The following IQGAP1 variants were observed in gnomAD, a reference collection of about 807,000 sequenced individuals.
IQGAP1 encodes IQ motif containing GTPase activating protein 1, also known as ras GTPase-activating-like protein IQGAP1.
IQGAP1 carries 66 observed loss-of-function variants against 215.6 expected under a neutral mutation model. That is an observed-to-expected ratio of 0.31 (90% CI 0.25 to 0.38). The LOEUF (loss-of-function observed/expected upper bound fraction) is 0.38, where lower values mean the gene tolerates loss of function less well. IQGAP1 is among the 10% of genes least tolerant of loss of function. IQGAP1 has a pLI of 1.00. For synonymous variants in IQGAP1, 772 were observed against 728.7 expected (o/e 1.06, Z -0.96); for missense variants, 1,712 against 1,997.1 (o/e 0.86, Z 2.72).
Position 90,453,217 on chromosome 15 carries a change from A to C in IQGAP1, c.1412A>C (p.Asp471Ala), listed in dbSNP as rs1965630787. 2 of 1,614,010 alleles carry C rather than the reference A, an allele frequency of 1.2e-6. No individual in the cohort carries two copies. The highest frequency in any genetic ancestry group is 3.3e-5 in the Admixed American group (2 of 60,004). ...ATCAACAGGGCATTGGAATCAGGAG[A>C]TGTGAATACAGTGTGGAAGCAATTG... ...ALINRALESG[D>A]VNTVWKQLSS... Residue 471 changes from aspartate (D) to alanine (A), a missense_variant, in exon 13 of 38, where the codon GAT becomes GCT. Transcript: ENST00000268182.
chr15:90,471,585 C>T (rs919827033), intron 18 of IQGAP1, among the ~76,000 whole-genome samples: 78 of 151,852 alleles, frequency 5.1e-4, no homozygotes, highest in African/African-American at 1.6e-3. Flanking sequence ...CCACAGCTTC[C>T]GCCTCCCAGG....
chr15:90,459,530 G>T (rs1256643368), intron 15 of IQGAP1, among the ~76,000 whole-genome samples: 1 of 152,178 alleles, frequency 6.6e-6, no homozygotes, highest in Non-Finnish European at 1.5e-5. Flanking sequence ...TTGAGGATGT[G>T]ACTATAGAGT....
chr15:90,414,719 A>G (rs1433917762), intron 2 of IQGAP1, among the ~76,000 whole-genome samples: 1 of 151,984 alleles, frequency 6.6e-6, no homozygotes, highest in Non-Finnish European at 1.5e-5. Context: ...CTGTGGGCTT[A>G]TCTACTCTTG....
chr15:90,495,154 A>G (rs1966254374), intron 36 of IQGAP1, among the ~76,000 whole-genome samples: 1 of 152,238 alleles, frequency 6.6e-6, no homozygotes, highest in South Asian at 2.1e-4. Flanking sequence ...AAGAGTAACA[A>G]TAAGAGGAGT....
chr15:90,415,528 A>T (rs1965032586), intron 2 of IQGAP1, among the ~76,000 whole-genome samples: 2 of 151,830 alleles, frequency 1.3e-5, no homozygotes, highest in South Asian at 2.1e-4. Context: ...TTTCTTTTTT[A>T]AAAAATTCTC....
intron 2 of IQGAP1, among the ~76,000 whole-genome samples, chr15:90,394,529 T>C (rs946154703): frequency 2.6e-4 from 39 of 152,296 alleles, no homozygotes; most frequent in Admixed American, 2.1e-3. Context: ...TCTTCGTTAT[T>C]AGTGAGCTAT....
chr15:90,484,173 C>T (rs1401410930), intron 29 of IQGAP1, 47 bp from the exon 30 acceptor site: 1 of 1,588,282 alleles, frequency 6.3e-7, no homozygotes, highest in Non-Finnish European at 8.6e-7. Context: ...TTGCCAACTT[C>T]ATGTGTATGT....
chr15:90,457,543 C>G (rs1965702129), intron 15 of IQGAP1, among the ~76,000 whole-genome samples: 1 of 151,516 alleles, frequency 6.6e-6, no homozygotes, highest in Non-Finnish European at 1.5e-5. Flanking sequence ...TCTCCTGCCT[C>G]TGCCTCCCCA....
rs992853791 is a variant in IQGAP1, at chr15:90,473,027, C to T, written c.2349+17C>T. ...TGCATTCAGGTATTTCAGAACCTAT[C>T]ACACAGACAGCAAGCGGGCATCTAG... On this transcript the variant is annotated intron_variant, in intron 19 of 37. Transcript: ENST00000268182. 5 of 1,610,222 alleles carry T rather than the reference C, an allele frequency of 3.1e-6. No homozygotes were observed. Among genetic ancestry groups the T allele is most frequent in the Non-Finnish European group, 4.2e-6 (5 of 1,177,166 alleles).
intron 18 of IQGAP1, among the ~76,000 whole-genome samples, chr15:90,470,615 A>G (rs981575546): frequency 1.3e-5 from 2 of 152,168 alleles, no homozygotes; most frequent in Non-Finnish European, 2.9e-5. Context: ...GGCCTCACCT[A>G]CATTCATACT....
rs117169239 is a variant in IQGAP1 at position 90,430,575 on chromosome 15, A to G, written c.390+909A>G. 7.9e-4 allele frequency among the ~76,000 whole-genome samples: 121 copies of G among 152,282 alleles called. 2 individuals carry two copies. In the East Asian group the frequency reaches 0.023, roughly 29 times the overall value. On this transcript the variant is annotated intron_variant, in intron 4 of 37. Transcript: ENST00000268182. ...GGCCTTTGATGTATTAAGTGGGGAA[A>G]AACGGTTGAAGGTTATAGGAGTTTG...
rs374405365 is a variant in IQGAP1 at position 90,474,734 on chromosome 15, C to G, written c.2784+41C>G. ...AGCGGGGGCCTTGGAACGGTTCATC[C>G]TGCTTTGTAACCCCTGCATTCCCCT... On this transcript the variant is annotated intron_variant, in intron 23 of 37. Transcript: ENST00000268182. 64 of 1,458,338 alleles carry G rather than the reference C, an allele frequency of 4.4e-5. No homozygotes were observed. The African/African-American group carries it at 7.9e-4, about 18-fold the overall frequency. The allele number at this position is 1,458,338 out of a possible 1,614,324, so 90.3% of individuals were successfully genotyped here.
chr15:90,396,116 A>G (rs1164973194), intron 2 of IQGAP1, among the ~76,000 whole-genome samples: 2 of 152,206 alleles, frequency 1.3e-5, no homozygotes, highest in African/African-American at 4.8e-5. Flanking sequence ...AGAGGAATTG[A>G]AAAGGTATCT....
intron 2 of IQGAP1, among the ~76,000 whole-genome samples, chr15:90,404,221 C>T (rs8024110): frequency 0.15 from 23,385 of 152,076 alleles, 2,032 homozygotes; most frequent in South Asian, 0.23. Flanking sequence ...AAAAATATTG[C>T]CAATTTGCTC....
intron 23 of IQGAP1, chr15:90,474,994 C>CTTTTTT (rs771704265): frequency 5.2e-4 from 62 of 119,566 alleles, no homozygotes; most frequent in African/African-American, 8.5e-4. Flanking sequence ...TGATTTTTGG[C>CTTTTTT]TTTTTTTTTT....
At chr15:90,404,416 C>G (rs959358465) in intron 2 of IQGAP1, among the ~76,000 whole-genome samples, 2 of 152,172 alleles carry the variant, frequency 1.3e-5, no homozygotes, top group African/African-American at 4.8e-5. Flanking sequence ...AGATGAGCAT[C>G]TTTACATGTG....
intron 37 of IQGAP1, 147 bp downstream of exon 37, chr15:90,497,487 G>A: frequency 1.7e-6 from 1 of 581,132 alleles, no homozygotes; most frequent in Non-Finnish European, 3.1e-6. Context: ...AGAAGCTGAG[G>A]GTTTCAGCAT....
chr15:90,413,599 T>C (rs1381147159), intron 2 of IQGAP1, among the ~76,000 whole-genome samples: 4 of 152,198 alleles, frequency 2.6e-5, no homozygotes, highest in Non-Finnish European at 4.4e-5. Context: ...CAGAGATGTA[T>C]AGAAAGTCTA....
intron 18 of IQGAP1, among the ~76,000 whole-genome samples, 153 bp downstream of exon 18, chr15:90,467,745 T>TG (rs1965851572): frequency 6.6e-6 from 1 of 152,184 alleles, no homozygotes; most frequent in South Asian, 2.1e-4. Flanking sequence ...TTGTAGTAGT[T>TG]GGGGGAGTGA....
Sources: gnomAD v4.1 joint callset for allele counts (sites outside exome capture counted in the v4.1 genomes callset) on GRCh38, gnomAD v4.1.1 for gene constraint, MANE v1.5 for transcripts, NCBI Gene and HGNC (gene_info 2026-07-23, HGNC 2026-07-21) for gene names.